The following MROH6 variants were observed in gnomAD, a reference collection of about 807,000 sequenced individuals.
MROH6 encodes the protein maestro heat like repeat family member 6.
MROH6 carries 62 observed loss-of-function variants against 67.7 expected under a neutral mutation model. That is an observed-to-expected ratio of 0.92 (90% confidence interval 0.75 to 1.13). The LOEUF (loss-of-function observed/expected upper bound fraction) is 1.13, where lower values mean the gene tolerates loss of function less well. MROH6 is among the 50% of genes most tolerant of loss of function. The pLI is 0.00. For synonymous variants in MROH6, 566 were observed against 470.8 expected (o/e 1.20, Z -2.62); for missense variants, 1,175 against 1,029.1 (o/e 1.14, Z -1.94).
chr8:143,570,596 A>C lies in MROH6; in HGVS notation c.782T>G (p.Phe261Cys). The C allele has an allele frequency of 6.2e-7, 1 of 1,604,406 alleles. No individual in the cohort carries two copies. ...VSGCVGATRGFYPHLLLALVT... is the reference protein window; with the variant it reads ...VSGCVGATRGCYPHLLLALVT... ...CAGCGCAAGCAGCAGATGTGGGTAG[A>C]AGCCCCTCGTGGCTCCCACGCAGCC... Residue 261 changes from phenylalanine to cysteine, a missense_variant, in exon 5 of 14, where the codon TTC (phenylalanine) becomes TGC (cysteine). Phe to Cys is a radical substitution (Grantham distance 205). Transcript: ENST00000398882.
chr8:143,571,668 G>A lies in MROH6; in HGVS notation c.601C>T (p.Arg201Trp), dbSNP rs778649152. 3.6e-5 allele frequency: 56 copies of A among 1,557,114 alleles called. No homozygotes were observed. Among genetic ancestry groups the A allele is most frequent in the Middle Eastern group, 1.7e-4 (1 of 5,998 alleles). The change falls in exon 3 of 14, where the codon CGG becomes TGG. Residue 201 changes from arginine (R) to tryptophan (W), a missense_variant and splice_region_variant. By Grantham distance (101) the Arg-to-Trp change is moderately radical (BLOSUM62 -3). Coordinates refer to ENST00000398882, the MANE Select transcript of MROH6 (RefSeq NM_001100878.2). The stretch of plus-strand genomic sequence containing the variant: ...GCAGGGCCAGGACGGTTGGGTTACC[G>A]ATCGGCGGGCAGAGAGCGGGGTAGC... Reference protein sequence around the residue: ...ALLPRSLPADRVAAELWRSLS... With the variant: ...ALLPRSLPADWVAAELWRSLS...
Position 143,567,911 on chromosome 8 carries a change from C to A in MROH6, c.1765-23G>T. The A allele has an allele frequency of 1.3e-6, 2 of 1,514,808 alleles. No individual in the cohort carries two copies. Among genetic ancestry groups the A allele is most frequent in the Admixed American group, 2.2e-5 (1 of 44,888 alleles). The allele number at this position is 1,514,808 out of a possible 1,614,324, so 93.8% of individuals were successfully genotyped here. ...AACCTGGGGACAAAAGGGCTAGTGG[C>A]AGGACAGGAGGGCTGATCCTGAGTG... is the stretch of plus-strand genomic sequence containing the variant. On this transcript the variant is annotated intron_variant, in intron 11 of 13. Transcript: ENST00000398882.
rs1823637610 is a variant in MROH6 at position 143,566,869 on chromosome 8, G to A, written c.*370C>T. ...GGCCAAGGCCCGGACAGGCCACAGCGTCCTGTCCAGGCATGAGGTGGAGAC... is the reference window on the plus strand; with the variant it reads ...GGCCAAGGCCCGGACAGGCCACAGCATCCTGTCCAGGCATGAGGTGGAGAC... On this transcript the variant is annotated 3_prime_UTR_variant, in exon 14 of 14. Transcript: ENST00000398882. The A allele has an allele frequency of 1.7e-5, 3 of 177,928 alleles. No homozygotes were observed. The highest frequency in any genetic ancestry group is 1.4e-4 in the East Asian group (1 of 7,356). The allele number at this position is 177,928 out of a possible 1,614,324, so 11.0% of individuals were successfully genotyped here. A position where few individuals can be genotyped will look rare whatever the true frequency, so the allele number is the denominator to read the frequency against.
At chr8:143,568,946 C>A in intron 9 of MROH6, 1 of 310,226 alleles carries the variant, frequency 3.2e-6, no homozygotes, top group Non-Finnish European at 5.3e-6. Flanking sequence ...AAAAGTCGAG[C>A]GGGGAGGAGC....
In MROH6 at chr8:143,570,622, C is replaced by T. The variant is rs781477776; in HGVS notation, c.756G>A (p.Ser252=). ...TRALGEMLAV[S]GCVGATRGFY... The stretch of plus-strand genomic sequence containing the variant: ...AGCCCCTCGTGGCTCCCACGCAGCC[C>T]GAAACAGCCAGCATCTCCCCAAGAG... The change falls in exon 5 of 14, where the codon TCG becomes TCA. Residue 252 remains serine (S), a synonymous_variant. Transcript: ENST00000398882. 64 of 1,599,582 alleles carry T rather than the reference C, an allele frequency of 4.0e-5. No individual in the cohort carries two copies. In the Admixed American group the frequency reaches 6.0e-4, roughly 15 times the overall value.
At position 143,567,050 on chromosome 8, in the gene MROH6, G is replaced by C; in HGVS notation, c.*189C>G. On this transcript the variant is annotated 3_prime_UTR_variant, in exon 14 of 14. Coordinates refer to ENST00000398882, the MANE Select transcript of MROH6 (RefSeq NM_001100878.2). ...AGAGCCCTGACGGGGACAGATGGGT[G>C]CTGGCTGTCCCCCTCTGTCACCATC... 1 of 353,890 alleles carries C rather than the reference G, an allele frequency of 2.8e-6. No homozygotes were observed. Among genetic ancestry groups the C allele is most frequent in the Admixed American group, 4.8e-5 (1 of 20,826 alleles). 21.9% of individuals were successfully genotyped at this position (353,890 alleles called of 1,614,324 possible).
chr8:143,572,488 G>A lies in MROH6; in HGVS notation c.227C>T (p.Pro76Leu). ...EAEPGRGATV[P>L]EAGSEPCSLN... ...GGAGCAGGGCTCGCTGCCAGCTTCA[G>A]GGACGGTGGCCCCACGTCCAGGCTC... is the stretch of plus-strand genomic sequence containing the variant. The change falls in exon 1 of 14, where the codon CCT (proline) becomes CTT (leucine). Residue 76 changes from proline to leucine, a missense_variant. Pro to Leu is a moderately conservative substitution (Grantham distance 98). Transcript: ENST00000398882. The A allele has an allele frequency of 6.2e-7, 1 of 1,604,084 alleles. No individual in the cohort carries two copies. Among genetic ancestry groups the A allele is most frequent in the Non-Finnish European group, 8.5e-7 (1 of 1,177,274 alleles).
Position 143,568,701 on chromosome 8 carries a change from C to G in MROH6, c.1495G>C (p.Ala499Pro), listed in dbSNP as rs935904650. Residue 499 changes from alanine (A) to proline (P), a missense_variant, in exon 10 of 14, where the codon GCC (alanine) becomes CCC (proline). Transcript: ENST00000398882. ...LLDDTRDSIRASAVGLLGTLV... is the reference protein window; with the variant it reads ...LLDDTRDSIRPSAVGLLGTLV... ...GTCCCAAGGAGCCCGACGGCCGAGGCGCGGATTGAGTCCCGTGTCTGCGTG... is the reference window on the plus strand; with the variant it reads ...GTCCCAAGGAGCCCGACGGCCGAGGGGCGGATTGAGTCCCGTGTCTGCGTG... The G allele has an allele frequency of 4.7e-6, 7 of 1,500,388 alleles. No individual in the cohort carries two copies. The highest frequency in any genetic ancestry group is 4.2e-5 in the African/African-American group (3 of 71,208). The allele number at this position is 1,500,388 out of a possible 1,614,324, so 92.9% of individuals were successfully genotyped here.
Position 143,569,468 on chromosome 8 carries a change from T to C in MROH6, c.1449A>G (p.Gly483=), listed in dbSNP as rs1823862279. Reference sequence around the variant, plus strand: ...CGTCCAGTAGCGGAGGGAGGCGCGGTCCCAGCTCCGCGCTCAGGAGCCGCA... The same window carrying C: ...CGTCCAGTAGCGGAGGGAGGCGCGGCCCCAGCTCCGCGCTCAGGAGCCGCA... ...APVRLLSAEL[G]PRLPPLLDDT... is the part of the protein sequence containing the mutation. Residue 483 remains glycine, a synonymous_variant, in exon 9 of 14, where the codon GGA becomes GGG. Transcript: ENST00000398882. 5 of 1,466,290 alleles carry C rather than the reference T, an allele frequency of 3.4e-6. No homozygotes were observed. The South Asian group carries it at 5.3e-5, about 16-fold the overall frequency. The allele number at this position is 1,466,290 out of a possible 1,614,324, so 90.8% of individuals were successfully genotyped here.
At position 143,569,832 on chromosome 8, in the gene MROH6, C is replaced by T. The variant is rs1233558959; in HGVS notation, c.1167G>A (p.Gln389=). 5 of 1,610,994 alleles carry T rather than the reference C, an allele frequency of 3.1e-6. 1 individual carries two copies. In the Admixed American group the frequency reaches 8.4e-5, roughly 27 times the overall value. The change falls in exon 8 of 14, where the codon CAG becomes CAA. Residue 389 remains glutamine (Q), a synonymous_variant. Coordinates refer to ENST00000398882, the MANE Select transcript of MROH6 (RefSeq NM_001100878.2). ...GCAGGAGCCGTGCGGTGGGCCGGCT[C>T]TGCAACAGCTAGGCGAGGCACATGG... ...TAMAFFTGLL[Q]SRPTARLLRE...
chr8:143,569,763 G>A lies in MROH6; in HGVS notation c.1236C>T (p.Asp412=), dbSNP rs199752945. The A allele has an allele frequency of 1.1e-3, 1,803 of 1,613,088 alleles. 2 individuals are homozygous for A. Among genetic ancestry groups the A allele is most frequent in the Non-Finnish European group, 1.2e-3 (1,403 of 1,179,724 alleles). Residue 412 remains aspartate, a synonymous_variant, in exon 8 of 14, where the codon GAC becomes GAT. Coordinates refer to ENST00000398882, the MANE Select transcript of MROH6 (RefSeq NM_001100878.2). ...CCAACCAGCGCACAGTGGGTTCGGG[G>A]TCTCCCTGCCAGGTGAGGAGTCGCT... ...ILERLLTWQG[D]PEPTVRWLGL...
intron 9 of MROH6, 104 bp downstream of exon 9, chr8:143,569,337 G>A (rs1823850507): frequency 1.1e-6 from 1 of 941,876 alleles, no homozygotes; most frequent in Non-Finnish European, 1.4e-6. Flanking sequence ...AGAGGGCGGG[G>A]CCTGGGCGGG....
chr8:143,569,313 C>T lies in MROH6; in HGVS notation c.1476+128G>A, dbSNP rs1010828725. On this transcript the variant is annotated intron_variant, in intron 9 of 13. Transcript: ENST00000398882. ...GCCTGGGAGGGAGAGACTGGAAGGG[C>T]GGGGCGGGGCCTGAGAGGGCGGGGC... 3,472 of 533,930 alleles carry T rather than the reference C, an allele frequency of 6.5e-3. 23 individuals carry two copies. Among genetic ancestry groups the T allele is most frequent in the Non-Finnish European group, 7.5e-3 (2,614 of 347,336 alleles). The allele number at this position is 533,930 out of a possible 1,614,324, so 33.1% of individuals were successfully genotyped here. A position where few individuals can be genotyped will look rare whatever the true frequency, so the allele number is the denominator to read the frequency against.
In MROH6 at chr8:143,569,815, C is replaced by T. The variant is rs772310826; in HGVS notation, c.1184G>A (p.Arg395Gln). ...TGLLQSRPTARLLREEVILER... is the reference protein window; with the variant it reads ...TGLLQSRPTAQLLREEVILER... ...CAGGATGACCTCCTCCCGCAGGAGC[C>T]GTGCGGTGGGCCGGCTCTGCAACAG... The change falls in exon 8 of 14, where the codon CGG (arginine) becomes CAG (glutamine). Residue 395 changes from arginine to glutamine, a missense_variant. Physicochemically the swap from Arg to Gln is conservative, Grantham distance 43. Coordinates refer to ENST00000398882, the MANE Select transcript of MROH6 (RefSeq NM_001100878.2). The T allele has an allele frequency of 2.5e-6, 4 of 1,611,628 alleles. No homozygotes were observed. Among genetic ancestry groups the T allele is most frequent in the East Asian group, 4.5e-5 (2 of 44,828 alleles).
chr8:143,570,012 A>T lies in MROH6; in HGVS notation c.1097T>A (p.Leu366His), dbSNP rs563512417. 17 of 1,610,864 alleles carry T rather than the reference A, an allele frequency of 1.1e-5. 1 individual carries two copies. In the Admixed American group the frequency reaches 1.2e-4, roughly 11 times the overall value. The stretch of plus-strand genomic sequence containing the variant: ...GTCGTCCGCGCTGCGAAGCCGAGGG[A>T]GCAAGTCTGCGAAGAGGCCTCGCAG... ...HHLRGLFADL[L>H]PRLRSADDPQ... Residue 366 changes from leucine (L) to histidine (H), a missense_variant, in exon 7 of 14, where the codon CTC becomes CAC. Transcript: ENST00000398882.
Position 143,572,084 on chromosome 8 carries a change from C to T in MROH6, c.396G>A (p.Val132=), listed in dbSNP as rs749965779. The T allele has an allele frequency of 9.6e-5, 155 of 1,612,590 alleles. No homozygotes were observed. Among genetic ancestry groups the T allele is most frequent in the Non-Finnish European group, 1.2e-4 (147 of 1,179,752 alleles). Residue 132 remains valine, a synonymous_variant, in exon 2 of 14, where the codon GTG becomes GTA. Transcript: ENST00000398882. The part of the protein sequence containing the change: ...EAGFAGTQAT[V]LTLSSALEAR... ...CCTCCAGGGCTGAGGACAGGGTGAGCACTGTCGCCTGGGTCCCTGCAAAGC... is the reference window on the plus strand; with the variant it reads ...CCTCCAGGGCTGAGGACAGGGTGAGTACTGTCGCCTGGGTCCCTGCAAAGC...
intron 3 of MROH6, among the ~76,000 whole-genome samples, chr8:143,571,303 AAGATAAC>A (rs1824022667): frequency 6.6e-6 from 1 of 152,128 alleles, no homozygotes; most frequent in African/African-American, 2.4e-5. Context: ...AATAAAACCA[AAGATAAC>A]TTCTGGGGCC....
Position 143,568,596 on chromosome 8 carries a change from GCACGAGA to G in MROH6, c.1593_1599del (p.Leu532ArgfsTer48). 6.5e-7 allele frequency: 1 copy of G among 1,547,214 alleles called. No homozygotes were observed. Among genetic ancestry groups the G allele is most frequent in the Non-Finnish European group, 8.7e-7 (1 of 1,153,624 alleles). ...GGGTCATGCAGGCGCAGCAGCAGCG[GCACGAGA>G]CTCTGCAGCACCAGCTTCCGCAGGG... is the stretch of plus-strand genomic sequence containing the variant. On this transcript the variant is annotated frameshift_variant, in exon 10 of 14. Coordinates refer to ENST00000398882, the MANE Select transcript of MROH6 (RefSeq NM_001100878.2). LOFTEE classifies it high-confidence loss of function.
Position 143,567,229 on chromosome 8 carries a change from G to T in MROH6, c.*10C>A. The T allele has an allele frequency of 8.2e-7, 1 of 1,217,598 alleles. No homozygotes were observed. The highest frequency in any genetic ancestry group is 1.0e-6 in the Non-Finnish European group (1 of 977,464). The allele number at this position is 1,217,598 out of a possible 1,614,324, so 75.4% of individuals were successfully genotyped here. ...GTCGGACCCTGGCCCTCGGGCCCCA[G>T]CCCCGAGCCTCAGGCTCGGCGGGGT... On this transcript the variant is annotated 3_prime_UTR_variant, in exon 14 of 14. Transcript: ENST00000398882.
Sources: allele counts gnomAD v4.1 joint callset (sites outside exome capture counted in the v4.1 genomes callset), GRCh38; gene constraint gnomAD v4.1.1; transcripts MANE v1.5; gene names NCBI Gene and HGNC (gene_info 2026-07-23, HGNC 2026-07-21).